AGAP1: variants seen among roughly 807,000 people sequenced by gnomAD.
The protein encoded by AGAP1 is ArfGAP with GTPase domain, ankyrin repeat and PH domain 1.
Under a neutral mutation model 105.3 loss-of-function variants are expected in AGAP1, and 29 were observed. That is an observed-to-expected ratio of 0.28 (90% CI 0.21 to 0.38). The LOEUF is 0.38. Among genes scored for constraint, AGAP1 ranks in the 10% least tolerant of loss-of-function variants. AGAP1 has a pLI of 1.00. For synonymous variants in AGAP1, 509 were observed against 485.9 expected (o/e 1.05, Z -0.63); for missense variants, 998 against 1,165.1 (o/e 0.86, Z 2.09).
Position 235,843,361 on chromosome 2 carries a change from CT to C in AGAP1, c.1050+36033del, listed in dbSNP as rs1309284591. ...TCCCACGCTGTGTCCCTTTCTCTTC[CT>C]TTCTTTGAGTTCATTTCAGAATTCC... On this transcript the variant is annotated intron_variant, in intron 9 of 17. Transcript: ENST00000304032. The surrounding 1 kb of genome is among the most constrained non-coding windows in gnomAD (Gnocchi z 5.9). Among the ~76,000 whole-genome samples the C allele has an allele frequency of 1.3e-5, 2 of 152,120 alleles. No homozygotes were observed. Among genetic ancestry groups the C allele is most frequent in the Admixed American group, 1.3e-4 (2 of 15,264 alleles).
At chr2:235,809,918 C>T (rs72983063) in intron 9 of AGAP1, among the ~76,000 whole-genome samples, 6 of 152,228 alleles carry the variant, frequency 3.9e-5, no homozygotes, top group Non-Finnish European at 7.4e-5. Context: ...CCACTTAATC[C>T]TCGACATTGC....
intron 16 of AGAP1, among the ~76,000 whole-genome samples, chr2:236,116,437 C>T (rs1207576091): frequency 6.7e-6 from 1 of 149,368 alleles, no homozygotes; most frequent in Non-Finnish European, 1.5e-5. Flanking sequence ...GCAACCTCTG[C>T]CTCCTGGATT....
At chr2:236,102,399 CAG>C (rs564742461) in intron 16 of AGAP1, among the ~76,000 whole-genome samples, 146 of 130,010 alleles carry the variant, frequency 1.1e-3, no homozygotes, top group Non-Finnish European at 1.9e-3. Flanking sequence ...GCCTGGGCGA[CAG>C]AGCGAGACTC....
At chr2:235,950,108 T>C (rs941953491) in intron 12 of AGAP1, among the ~76,000 whole-genome samples, 1 of 152,094 alleles carries the variant, frequency 6.6e-6, no homozygotes, top group African/African-American at 2.4e-5. Flanking sequence ...TGGGTGAAGG[T>C]CCATGCTGGA....
Position 235,535,621 on chromosome 2 carries a change from G to A in AGAP1, c.163+40772G>A, listed in dbSNP as rs867481517. The stretch of plus-strand genomic sequence containing the variant: ...CCTCAAAGACCCTGGGGGCCGGGCG[G>A]GGCTGTGCCAGGCACCCGCGTCGCG... On this transcript the variant is annotated intron_variant, in intron 1 of 17. Coordinates refer to ENST00000304032, the MANE Select transcript of AGAP1 (RefSeq NM_001037131.3). This position sits in a 1 kb window ranked among gnomAD's most constrained non-coding sequence, Gnocchi z 5.1. Among the ~76,000 whole-genome samples the A allele has an allele frequency of 2.6e-5, 4 of 151,998 alleles. No individual in the cohort carries two copies. Among genetic ancestry groups the A allele is most frequent in the African/African-American group, 2.4e-5 (1 of 41,394 alleles).
chr2:235,836,971 T>C (rs1251665697), intron 9 of AGAP1, among the ~76,000 whole-genome samples: 4 of 151,912 alleles, frequency 2.6e-5, no homozygotes, highest in Non-Finnish European at 4.4e-5. Context: ...CAAGGGTTTT[T>C]TGTTGGGTTG....
chr2:236,130,838 G>A lies in AGAP1; in HGVS notation c.*6716G>A, dbSNP rs1384061034. On this transcript the variant is annotated 3_prime_UTR_variant, in exon 18 of 18. Coordinates refer to ENST00000304032, the MANE Select transcript of AGAP1 (RefSeq NM_001037131.3). This position sits in a 1 kb window ranked among gnomAD's most constrained non-coding sequence, Gnocchi z 5.8. ...AGAAGGCTCCAAGGGTGTTGGGAGT[G>A]AGCCAGGGGCTGGTCTGGGGAGTGG... The A allele has an allele frequency of 2.6e-5, 4 of 152,332 alleles. No individual in the cohort carries two copies. The East Asian group carries it at 7.7e-4, about 29-fold the overall frequency. 9.4% of individuals were successfully genotyped at this position (152,332 alleles called of 1,614,324 possible).
At chr2:236,088,139 G>C (rs542228862) in intron 16 of AGAP1, among the ~76,000 whole-genome samples, 1 of 152,160 alleles carries the variant, frequency 6.6e-6, no homozygotes, top group Non-Finnish European at 1.5e-5. Flanking sequence ...CTGGGCTCCA[G>C]GACACCTAGG....
At position 235,609,458 on chromosome 2, in the gene AGAP1, A is replaced by T. The variant is rs1946055483; in HGVS notation, c.164-99721A>T. On this transcript the variant is annotated intron_variant, in intron 1 of 17. Transcript: ENST00000304032. This position sits in a 1 kb window ranked among gnomAD's most constrained non-coding sequence, Gnocchi z 5.1. ...ATCATTCGAGATTCCAAGAGGTAAG[A>T]ACTGGGGGCTGGGCTGTGGAAGAAG... 6.6e-6 allele frequency among the ~76,000 whole-genome samples: 1 copy of T among 152,080 alleles called. No homozygotes were observed. The highest frequency in any genetic ancestry group is 1.5e-5 in the Non-Finnish European group (1 of 68,012).
chr2:235,781,418 T>C (rs1956256128), intron 6 of AGAP1, among the ~76,000 whole-genome samples: 2 of 152,242 alleles, frequency 1.3e-5, no homozygotes, highest in Non-Finnish European at 2.9e-5. Context: ...GTAACTGTTA[T>C]CACATGATTA....
At chr2:235,968,026 C>G (rs368591514) in intron 12 of AGAP1, among the ~76,000 whole-genome samples, 5 of 152,332 alleles carry the variant, frequency 3.3e-5, no homozygotes, top group African/African-American at 1.2e-4. Flanking sequence ...AATCCCTTAT[C>G]CTGTGCACCC....
Position 235,716,352 on chromosome 2 carries a change from G to A in AGAP1, c.223-1205G>A, listed in dbSNP as rs2149540948. Among the ~76,000 whole-genome samples, 1 of 152,284 alleles carries A rather than the reference G, an allele frequency of 6.6e-6. No individual in the cohort carries two copies. Among genetic ancestry groups the A allele is most frequent in the South Asian group, 2.1e-4 (1 of 4,820 alleles). The stretch of plus-strand genomic sequence containing the variant: ...TGTCTTAACAGCAGCTGCTGGTGAT[G>A]GGGCCAGGTCAGAGCGAGACAGGCT... On this transcript the variant is annotated intron_variant, in intron 2 of 17. Coordinates refer to ENST00000304032, the MANE Select transcript of AGAP1 (RefSeq NM_001037131.3). The surrounding 1 kb of genome is among the most constrained non-coding windows in gnomAD (Gnocchi z 4.0).
chr2:235,681,232 A>G (rs1949053649), intron 1 of AGAP1, among the ~76,000 whole-genome samples: 1 of 152,078 alleles, frequency 6.6e-6, no homozygotes, highest in Admixed American at 6.5e-5. Flanking sequence ...GATGGTCTCG[A>G]TCTCCTGATC....
At position 235,983,654 on chromosome 2, in the gene AGAP1, C is replaced by G. The variant is rs911340276; in HGVS notation, c.1645+15031C>G. On this transcript the variant is annotated intron_variant, in intron 13 of 17. Coordinates refer to ENST00000304032, the MANE Select transcript of AGAP1 (RefSeq NM_001037131.3). The surrounding 1 kb of genome is among the most constrained non-coding windows in gnomAD (Gnocchi z 4.5). ...ATTATAATACCGTGTCCTTACTGTG[C>G]CTTTTCTATGGTTAGATGTTTAAAT... Among the ~76,000 whole-genome samples, 1 of 152,096 alleles carries G rather than the reference C, an allele frequency of 6.6e-6. No individual in the cohort carries two copies. The highest frequency in any genetic ancestry group is 2.4e-5 in the African/African-American group (1 of 41,410).
chr2:235,790,509 G>A (rs1956909527), intron 6 of AGAP1, among the ~76,000 whole-genome samples: 1 of 152,072 alleles, frequency 6.6e-6, no homozygotes, highest in Non-Finnish European at 1.5e-5. Context: ...AGGTAGAAAT[G>A]ACCTGTATCT....
rs769902794 is a variant in AGAP1 at position 236,113,856 on chromosome 2, C to G, written c.2115-6336C>G. ...CCTGTGGATGGCTTCCTGTCATGGC[C>G]CAGAGAGAGGTAAAGAGCCACCTTT... On this transcript the variant is annotated intron_variant, in intron 16 of 17. Transcript: ENST00000304032. This position sits in a 1 kb window ranked among gnomAD's most constrained non-coding sequence, Gnocchi z 4.3. 7.2e-5 allele frequency among the ~76,000 whole-genome samples: 11 copies of G among 152,136 alleles called. No individual in the cohort carries two copies. Among genetic ancestry groups the G allele is most frequent in the Non-Finnish European group, 1.2e-4 (8 of 68,034 alleles).
In AGAP1 at chr2:236,040,480, C is replaced by A; in HGVS notation, c.1801-271C>A. 1 of 513,682 alleles carries A rather than the reference C, an allele frequency of 1.9e-6. No individual in the cohort carries two copies. The highest frequency in any genetic ancestry group is 3.5e-6 in the Non-Finnish European group (1 of 285,068). 31.8% of individuals were successfully genotyped at this position (513,682 alleles called of 1,614,324 possible). On this transcript the variant is annotated intron_variant, in intron 14 of 17. Transcript: ENST00000304032. The surrounding 1 kb of genome is among the most constrained non-coding windows in gnomAD (Gnocchi z 5.6). ...TGGTCCATGCGTATTCACAGATGATCCAGAACTCTCCTCTTTGCTCATTTC... is the reference window on the plus strand; with the variant it reads ...TGGTCCATGCGTATTCACAGATGATACAGAACTCTCCTCTTTGCTCATTTC...
At chr2:235,686,348 A>G (rs1575125498) in intron 1 of AGAP1, among the ~76,000 whole-genome samples, 1 of 151,884 alleles carries the variant, frequency 6.6e-6, no homozygotes, top group East Asian at 1.9e-4. Context: ...TGTTCAGGAG[A>G]TTATCTTTGT....
At chr2:235,515,627 A>T (rs1942347627) in intron 1 of AGAP1, among the ~76,000 whole-genome samples, 1 of 152,214 alleles carries the variant, frequency 6.6e-6, no homozygotes, top group African/African-American at 2.4e-5. Context: ...TGCGGAAAAA[A>T]GTCTGCTTAG....
Sources: allele counts gnomAD v4.1 joint callset (sites outside exome capture counted in the v4.1 genomes callset), GRCh38; gene constraint gnomAD v4.1.1; non-coding constraint Gnocchi (gnomAD v3.1); transcripts MANE v1.5; gene names NCBI Gene and HGNC (gene_info 2026-07-23, HGNC 2026-07-21).